FOXP2: variants seen among roughly 807,000 people sequenced by gnomAD.
FOXP2 encodes forkhead box protein P2.
A neutral mutation model predicts 115.8 loss-of-function variants in FOXP2; 12 were observed. The ratio of observed to expected loss-of-function variants is 0.10; its 90% CI spans 0.07 to 0.17. The LOEUF (loss-of-function observed/expected upper bound fraction) is 0.17, where lower values mean the gene tolerates loss of function less well. FOXP2 is among the 10% of genes least tolerant of loss of function. The pLI is 1.00. For synonymous variants in FOXP2, 328 were observed against 297.7 expected, an observed-to-expected ratio of 1.10 and a Z score of -1.05; for missense variants, 629 against 843.5, an observed-to-expected ratio of 0.75 and a Z score of 3.15.
intron 3 of FOXP2, among the ~76,000 whole-genome samples, chr7:114,610,713 G>T (rs888829142): frequency 2.0e-5 from 3 of 150,934 alleles, no homozygotes; most frequent in Admixed American, 6.6e-5. Flanking sequence ...CTTGTTCTGT[G>T]ACTCAGGCTG....
At chr7:114,312,158 G>A (rs1401183238) in intron 2 of FOXP2, among the ~76,000 whole-genome samples, 3 of 152,132 alleles carry the variant, frequency 2.0e-5, no homozygotes, top group Non-Finnish European at 1.5e-5. Flanking sequence ...TGAATAGGGA[G>A]GTCCTGATTG....
At position 114,514,065 on chromosome 7, in the gene FOXP2, T is replaced by A. The variant is rs78375483; in HGVS notation, c.169-20552T>A. The stretch of plus-strand genomic sequence containing the variant: ...TATATATCACTAACATTTTTAAAAT[T>A]GATCTTAACATTGTATCTTATACAC... On this transcript the variant is annotated intron_variant, in intron 2 of 16. Coordinates refer to ENST00000350908, the MANE Select transcript of FOXP2 (RefSeq NM_014491.4). Among the ~76,000 whole-genome samples, 1,263 of 147,158 alleles carry A rather than the reference T, an allele frequency of 8.6e-3. 14 individuals are homozygous for A. Among genetic ancestry groups the A allele is most frequent in the African/African-American group, 0.03 (1,204 of 39,714 alleles).
chr7:114,200,943 T>A (rs1232863510), intron 1 of FOXP2, among the ~76,000 whole-genome samples: 2 of 151,894 alleles, frequency 1.3e-5, no homozygotes, highest in Non-Finnish European at 2.9e-5. Flanking sequence ...TCACCTGAGG[T>A]CAGGTGTTCG....
At chr7:114,357,199 C>A (rs1584662791) in intron 2 of FOXP2, among the ~76,000 whole-genome samples, 1 of 152,204 alleles carries the variant, frequency 6.6e-6, no homozygotes, top group East Asian at 1.9e-4. Flanking sequence ...CATAGTAGTA[C>A]TTATCGTTAC....
chr7:114,320,129 C>A (rs919734311), intron 2 of FOXP2, among the ~76,000 whole-genome samples: 1 of 152,200 alleles, frequency 6.6e-6, no homozygotes, highest in African/African-American at 2.4e-5. Flanking sequence ...CATTTCCCAG[C>A]ACTCTGCTCC....
At chr7:114,394,138 G>A (rs1788727921) in intron 2 of FOXP2, among the ~76,000 whole-genome samples, 1 of 151,952 alleles carries the variant, frequency 6.6e-6, no homozygotes, top group Admixed American at 6.6e-5. Flanking sequence ...CCTCTAAAAG[G>A]AAACTGGGCT....
At chr7:114,167,647 A>G (rs1793017401) in intron 1 of FOXP2, among the ~76,000 whole-genome samples, 1 of 151,978 alleles carries the variant, frequency 6.6e-6, no homozygotes, top group Admixed American at 6.6e-5. Context: ...TTTAAAAATG[A>G]GAGTTGGGGC....
chr7:114,420,882 AAAAAT>A (rs1430062558), intron 1 of FOXP2, among the ~76,000 whole-genome samples: 3 of 151,820 alleles, frequency 2.0e-5, no homozygotes, highest in Admixed American at 2.0e-4. Context: ...CTTGAAAAGT[AAAAAT>A]TGGTGTACAT....
At position 114,321,433 on chromosome 7, in the gene FOXP2, C is replaced by T. The variant is rs189161960; in HGVS notation, c.-11+33324C>T. On this transcript the variant is annotated intron_variant, in intron 2 of 17. Transcript: ENST00000634411. ...CAGGATGGTCTTTTTCTCCTGACCT[C>T]GTGGTCTGCCTGCCTCAGCCTCCCA... Among the ~76,000 whole-genome samples the T allele has an allele frequency of 1.1e-4, 17 of 152,106 alleles. No homozygotes were observed. The East Asian group carries it at 3.1e-3, about 28-fold the overall frequency.
rs114241530 is a variant in FOXP2, at chr7:114,662,799, C to T, written c.1769+613C>T. On this transcript the variant is annotated intron_variant, in intron 14 of 16. Coordinates refer to ENST00000350908, the MANE Select transcript of FOXP2 (RefSeq NM_014491.4). ...TGAATTTTGTTTGTTTTATAGAGAA[C>T]AAGACTGCCAAACTTAAGTCCAAAA... is the stretch of plus-strand genomic sequence containing the variant. 9.6e-3 allele frequency among the ~76,000 whole-genome samples: 1,456 copies of T among 152,090 alleles called. 17 individuals are homozygous for T. Among genetic ancestry groups the T allele is most frequent in the African/African-American group, 0.033 (1,373 of 41,504 alleles).
At chr7:114,458,679 C>T (rs1795429842) in intron 2 of FOXP2, among the ~76,000 whole-genome samples, 1 of 151,562 alleles carries the variant, frequency 6.6e-6, no homozygotes, top group Admixed American at 6.6e-5. Flanking sequence ...TTCCAAGTAG[C>T]ATGATCCACC....
rs191319809 is a variant in FOXP2 at position 114,117,072 on chromosome 7, T to A, written c.-247+29234T>A. On this transcript the variant is annotated intron_variant, in intron 1 of 19. Transcript: ENST00000635638. ...CCTTAAGCTTGGCAGGTGAAAATAATTTTTTAGCCTCAGGGGAAAAAATTT... is the reference window on the plus strand; with the variant it reads ...CCTTAAGCTTGGCAGGTGAAAATAAATTTTTAGCCTCAGGGGAAAAAATTT... 5.2e-3 allele frequency among the ~76,000 whole-genome samples: 795 copies of A among 152,212 alleles called. 10 individuals carry two copies. Among genetic ancestry groups the A allele is most frequent in the African/African-American group, 0.018 (759 of 41,552 alleles).
chr7:114,277,539 C>G (rs1796218644), intron 1 of FOXP2, among the ~76,000 whole-genome samples: 1 of 151,878 alleles, frequency 6.6e-6, no homozygotes, highest in African/African-American at 2.4e-5. Context: ...AAAACCAAAC[C>G]CCTGACTTCA....
intron 1 of FOXP2, among the ~76,000 whole-genome samples, chr7:114,152,936 C>T (rs1356276846): frequency 6.6e-6 from 1 of 152,138 alleles, no homozygotes; most frequent in African/African-American, 2.4e-5. Flanking sequence ...TGGTTTGGAA[C>T]TGATTGATCC....
At chr7:114,676,138 A>G (rs1240932329) in intron 16 of FOXP2, among the ~76,000 whole-genome samples, 10 of 130,816 alleles carry the variant, frequency 7.6e-5, no homozygotes, top group Non-Finnish European at 1.2e-4. Flanking sequence ...CTTGTTGGCC[A>G]GTCTGGTCTC....
chr7:114,124,364 A>C (rs1160716420), intron 1 of FOXP2, among the ~76,000 whole-genome samples: 3 of 152,110 alleles, frequency 2.0e-5, no homozygotes, highest in Non-Finnish European at 4.4e-5. Context: ...TGTTTATTTT[A>C]ATTATGAGGT....
At chr7:114,453,817 G>A (rs1199839606) in intron 2 of FOXP2, among the ~76,000 whole-genome samples, 1 of 152,104 alleles carries the variant, frequency 6.6e-6, no homozygotes, top group Non-Finnish European at 1.5e-5. Context: ...CTAGCCATAT[G>A]TAGGAAACTG....
chr7:114,565,253 A>G (rs1039055131), intron 3 of FOXP2, among the ~76,000 whole-genome samples: 1 of 152,116 alleles, frequency 6.6e-6, no homozygotes, highest in Admixed American at 6.5e-5. Flanking sequence ...TTATTTTCCA[A>G]TCTCCTTTGG....
At chr7:114,558,207 G>A (rs1800564530) in intron 3 of FOXP2, among the ~76,000 whole-genome samples, 1 of 152,148 alleles carries the variant, frequency 6.6e-6, no homozygotes, top group Admixed American at 6.5e-5. Context: ...TCAACTGGAA[G>A]AAAGAGGAGG....
Sources: gnomAD v4.1 joint callset for allele counts (sites outside exome capture counted in the v4.1 genomes callset) on GRCh38, gnomAD v4.1.1 for gene constraint, MANE v1.5 for transcripts, NCBI Gene and HGNC (gene_info 2026-07-23, HGNC 2026-07-21) for gene names.